The following LY6S variants were observed in gnomAD, a reference collection of about 807,000 sequenced individuals.
The protein encoded by LY6S is lymphocyte antigen 6S.
chr8:143,064,269 C>T, the LY6S span, among the ~76,000 whole-genome samples: 2 of 152,170 alleles, frequency 1.3e-5, no homozygotes, highest in Admixed American at 6.6e-5. Context: ...CTTCAGGTAG[C>T]GGTGGCTGAG....
the LY6S span, among the ~76,000 whole-genome samples, chr8:143,054,715 C>T: frequency 6.6e-6 from 1 of 152,188 alleles, no homozygotes; most frequent in Non-Finnish European, 1.5e-5. Flanking sequence ...TCCCCCTTTT[C>T]CCACGTACCA....
chr8:143,044,633 G>A, the LY6S span: 1 of 1,342,352 alleles, frequency 7.4e-7, no homozygotes. Context: ...TCTAAGAAGT[G>A]CCCCTCCCTC....
the LY6S span, among the ~76,000 whole-genome samples, chr8:143,046,937 G>T: frequency 6.6e-6 from 1 of 151,924 alleles, no homozygotes; most frequent in Admixed American, 6.6e-5. Flanking sequence ...AGATGTGGAG[G>T]TTGCAGTGAG....
chr8:143,056,273 A>G, the LY6S span, among the ~76,000 whole-genome samples: 3 of 149,976 alleles, frequency 2.0e-5, no homozygotes, highest in Non-Finnish European at 4.4e-5. Context: ...GGAAACATAT[A>G]GACTTTAATT....
At chr8:143,042,037 C>G in the LY6S span, among the ~76,000 whole-genome samples, 1 of 17,498 alleles carries the variant, frequency 5.7e-5, no homozygotes, top group Admixed American at 6.1e-4. Flanking sequence ...AGGGCGTTCT[C>G]AGCCCAGCCC....
chr8:143,047,947 T>C, the LY6S span: 1 of 152,244 alleles, frequency 6.6e-6, no homozygotes, highest in African/African-American at 2.4e-5. Context: ...ACTTTCAAAA[T>C]GTTCTTTCTC....
At chr8:143,057,184 G>C in the LY6S span, 1 of 336,354 alleles carries the variant, frequency 3.0e-6, no homozygotes, top group Admixed American at 3.2e-5. Flanking sequence ...CTTTTTTCTG[G>C]TAATATTCCG....
At chr8:143,060,451 G>C in the LY6S span, among the ~76,000 whole-genome samples, 1 of 152,046 alleles carries the variant, frequency 6.6e-6, no homozygotes, top group Non-Finnish European at 1.5e-5. Context: ...AAGTATTAAC[G>C]TCTTTGATCT....
chr8:143,050,145 G>A, the LY6S span, among the ~76,000 whole-genome samples: 3 of 150,138 alleles, frequency 2.0e-5, no homozygotes, highest in African/African-American at 7.4e-5. Context: ...TGCAGCCATC[G>A]CCATTCTAGT....
At chr8:143,049,091 T>A in the LY6S span, 3 of 503,142 alleles carry the variant, frequency 6.0e-6, no homozygotes, top group Non-Finnish European at 1.2e-5. Flanking sequence ...GCCCGTGACC[T>A]CCTAGCGCCC....
chr8:143,043,291 C>T, the LY6S span: 1 of 1,310,726 alleles, frequency 7.6e-7, no homozygotes, highest in Non-Finnish European at 1.0e-6. Flanking sequence ...AATCCGACGT[C>T]CTTCTGGCAG....
the LY6S span, among the ~76,000 whole-genome samples, chr8:143,040,856 C>T: frequency 2.6e-5 from 4 of 151,850 alleles, no homozygotes; most frequent in African/African-American, 9.7e-5. Context: ...CAAAGCTGGG[C>T]GTCCGGGGGA....
At chr8:143,068,209 AC>A in the LY6S span, among the ~76,000 whole-genome samples, 1 of 152,336 alleles carries the variant, frequency 6.6e-6, no homozygotes, top group East Asian at 1.9e-4. Context: ...AATGGCGATG[AC>A]TTTTACCAAG....
At chr8:143,064,831 GTGT>G in the LY6S span, among the ~76,000 whole-genome samples, 3 of 152,240 alleles carry the variant, frequency 2.0e-5, no homozygotes, top group East Asian at 5.8e-4. Context: ...GGGATCTGGA[GTGT>G]CGTCTGGATT....
the LY6S span, among the ~76,000 whole-genome samples, chr8:143,073,800 TCG>T: frequency 6.7e-6 from 1 of 148,240 alleles, no homozygotes; most frequent in Non-Finnish European, 1.5e-5. Context: ...GAGACAGCCG[TCG>T]TCCCCGGGGT....
At chr8:143,045,150 C>T in the LY6S span, among the ~76,000 whole-genome samples, 5 of 152,264 alleles carry the variant, frequency 3.3e-5, no homozygotes, top group East Asian at 1.9e-4. This position sits in a 1 kb window ranked among gnomAD's most constrained non-coding sequence, Gnocchi z 5.3. Context: ...CCTCTGCCAC[C>T]GGAACACCGA....
chr8:143,055,645 G>A, the LY6S span, among the ~76,000 whole-genome samples: 1 of 152,074 alleles, frequency 6.6e-6, no homozygotes, highest in Non-Finnish European at 1.5e-5. Context: ...GGAAAAAAAC[G>A]GACCAGATTT....
At chr8:143,071,195 A>AATATAGACTCAGGAGGCG in the LY6S span, among the ~76,000 whole-genome samples, 18 of 130,714 alleles carry the variant, frequency 1.4e-4, no homozygotes, top group African/African-American at 2.4e-4. Flanking sequence ...AAGACCCGGC[A>AATATAGACTCAGGAGGCG]GCATGGATGT....
chr8:143,061,140 C>T, the LY6S span, among the ~76,000 whole-genome samples: 2 of 151,862 alleles, frequency 1.3e-5, no homozygotes, highest in African/African-American at 4.8e-5. Context: ...AAAGGAAGGA[C>T]ACAGGCCAGA....
Sources: gnomAD v4.1 joint callset for allele counts (sites outside exome capture counted in the v4.1 genomes callset) on GRCh38, gnomAD v4.1.1 for gene constraint, Gnocchi (gnomAD v3.1) non-coding constraint, MANE v1.5 for transcripts, NCBI Gene and HGNC (gene_info 2026-07-23, HGNC 2026-07-21) for gene names.